CHD1L: variants seen among roughly 807,000 people sequenced by gnomAD.
The protein encoded by CHD1L is ATP-dependent chromatin remodeler CHD1L.
A neutral mutation model predicts 115.9 loss-of-function variants in CHD1L; 118 were observed. That is an observed-to-expected ratio of 1.02 (90% CI 0.88 to 1.19). The LOEUF (loss-of-function observed/expected upper bound fraction) is 1.19. Among genes scored for constraint, CHD1L ranks in the 50% most tolerant of loss-of-function variants. The pLI is 0.00. For synonymous variants in CHD1L, 411 were observed against 387.1 expected, an observed-to-expected ratio of 1.06 and a Z score of -0.72; for missense variants, 1,179 against 1,065.3, an observed-to-expected ratio of 1.11 and a Z score of -1.49.
chr1:147,287,968 G>C (rs1370447804), intron 19 of CHD1L, among the ~76,000 whole-genome samples: 1 of 151,974 alleles, frequency 6.6e-6, no homozygotes, highest in Non-Finnish European at 1.5e-5. Flanking sequence ...CTACTTCATA[G>C]AACTGTAGTA....
In CHD1L at chr1:147,263,029, G is replaced by A. The variant is rs149541313; in HGVS notation, c.577-1393G>A. ...AAATATCAAAATATTGTGTATATAC[G>A]TGTATACATACATGTATGTAAATGT... is the stretch of plus-strand genomic sequence containing the variant. On this transcript the variant is annotated intron_variant, in intron 6 of 22. Coordinates refer to ENST00000369258, the MANE Select transcript of CHD1L (RefSeq NM_004284.6). 9.1e-4 allele frequency among the ~76,000 whole-genome samples: 139 copies of A among 152,026 alleles called. 3 individuals carry two copies. In the East Asian group the frequency reaches 0.025, roughly 28 times the overall value.
intron 22 of CHD1L, 39 bp downstream of exon 22, chr1:147,294,556 C>A: frequency 1.3e-6 from 2 of 1,501,894 alleles, no homozygotes; most frequent in Non-Finnish European, 1.8e-6. Context: ...TCTCCCAACC[C>A]AAGAGGGAAA....
At chr1:147,217,445 C>T in the CHD1L span, among the ~76,000 whole-genome samples, 1 of 151,934 alleles carries the variant, frequency 6.6e-6, no homozygotes, top group Non-Finnish European at 1.5e-5. Flanking sequence ...TCTCCTCCTC[C>T]CTTTTTATTC....
chr1:147,251,293 C>T (rs1466734585), intron 1 of CHD1L, among the ~76,000 whole-genome samples: 18 of 152,258 alleles, frequency 1.2e-4, no homozygotes, highest in Admixed American at 5.9e-4. Flanking sequence ...CCCTGCCTTC[C>T]GCAGGCCCAA....
chr1:147,185,462 GAA>G, the CHD1L span, among the ~76,000 whole-genome samples: 1 of 152,128 alleles, frequency 6.6e-6, no homozygotes, highest in African/African-American at 2.4e-5. Flanking sequence ...AAGGATTAGG[GAA>G]AGCAAAAGAC....
chr1:147,195,156 A>T, the CHD1L span, among the ~76,000 whole-genome samples: 1 of 152,126 alleles, frequency 6.6e-6, no homozygotes, highest in Non-Finnish European at 1.5e-5. Context: ...AATCCGACGT[A>T]GATTTGGTCT....
the CHD1L span, among the ~76,000 whole-genome samples, chr1:147,198,261 G>A: frequency 6.6e-6 from 1 of 152,124 alleles, no homozygotes; most frequent in Non-Finnish European, 1.5e-5. Context: ...ACATTTCTTA[G>A]AATAGATGTT....
At chr1:147,278,199 TTTTG>T (rs1326044086) in intron 14 of CHD1L, among the ~76,000 whole-genome samples, 3 of 149,758 alleles carry the variant, frequency 2.0e-5, no homozygotes, top group Non-Finnish European at 3.0e-5. Flanking sequence ...AGCAGGGGAT[TTTTG>T]TTTGTTTTTG....
intron 5 of CHD1L, among the ~76,000 whole-genome samples, chr1:147,257,658 G>A (rs587602331): frequency 1.3e-5 from 2 of 152,228 alleles, no homozygotes; most frequent in South Asian, 2.1e-4. Context: ...GGACATAAAT[G>A]TTGCTGGGTA....
chr1:147,291,048 TC>T (rs1330400327), intron 19 of CHD1L, among the ~76,000 whole-genome samples: 5 of 152,226 alleles, frequency 3.3e-5, no homozygotes, highest in Admixed American at 2.6e-4. Flanking sequence ...AGCACATTTT[TC>T]TTCACTATCA....
chr1:147,220,944 C>A, the CHD1L span, among the ~76,000 whole-genome samples: 318 of 136,954 alleles, frequency 2.3e-3, no homozygotes, highest in Middle Eastern at 4.0e-3. Flanking sequence ...TTTAAGTTTC[C>A]AAAAAAAAAA....
chr1:147,255,755 C>A, intron 3 of CHD1L, 58 bp from the exon 4 acceptor site: 1 of 1,204,968 alleles, frequency 8.3e-7, no homozygotes, highest in Non-Finnish European at 1.2e-6. Context: ...TCCAGATATG[C>A]ACATCCTGTC....
Position 147,287,601 on chromosome 1 carries a change from C to G in CHD1L, c.2222-34C>G, listed in dbSNP as rs897491438. On this transcript the variant is annotated intron_variant, in intron 18 of 22. Transcript: ENST00000369258. The stretch of plus-strand genomic sequence containing the variant: ...CTAAATTGTGCACTGGACTTCACCT[C>G]CTATAGATGAAAATTTTCTCTTTCT... 2.6e-6 allele frequency: 4 copies of G among 1,530,234 alleles called. No individual in the cohort carries two copies. In the East Asian group the frequency reaches 9.0e-5, roughly 35 times the overall value. 94.8% of individuals were successfully genotyped at this position (1,530,234 alleles called of 1,614,324 possible).
At chr1:147,284,938 TAAA>T (rs1258032224) in intron 16 of CHD1L, among the ~76,000 whole-genome samples, 8 of 152,286 alleles carry the variant, frequency 5.3e-5, no homozygotes, top group Admixed American at 4.6e-4. Context: ...AATACAATCT[TAAA>T]AAAGTTACAT....
chr1:147,179,181 C>T, the CHD1L span: 5 of 1,614,030 alleles, frequency 3.1e-6, no homozygotes, highest in Non-Finnish European at 4.2e-6. Context: ...TGCAGGATTA[C>T]TTTGATGGCA....
intron 15 of CHD1L, among the ~76,000 whole-genome samples, chr1:147,282,071 G>A (rs782597738): frequency 9.9e-5 from 15 of 152,072 alleles, no homozygotes; most frequent in African/African-American, 3.4e-4. Flanking sequence ...TGTTCTCATC[G>A]ATAGTTTCCC....
At chr1:147,271,481 G>A (rs1224239810) in intron 11 of CHD1L, among the ~76,000 whole-genome samples, 1 of 152,220 alleles carries the variant, frequency 6.6e-6, no homozygotes, top group African/African-American at 2.4e-5. Context: ...TGGGAAGTCT[G>A]TTTAATATGT....
At chr1:147,269,941 A>C (rs1675502738) in intron 10 of CHD1L, among the ~76,000 whole-genome samples, 1 of 152,218 alleles carries the variant, frequency 6.6e-6, no homozygotes, top group South Asian at 2.1e-4. Context: ...TGGTTCTCGT[A>C]TATCTGCCAT....
intron 1 of CHD1L, among the ~76,000 whole-genome samples, chr1:147,251,207 T>C (rs1668291828): frequency 6.6e-6 from 1 of 152,232 alleles, no homozygotes; most frequent in Non-Finnish European, 1.5e-5. Context: ...CATCAGTTGG[T>C]GTTTCCAGTT....
Sources: allele counts gnomAD v4.1 joint callset (sites outside exome capture counted in the v4.1 genomes callset), GRCh38; gene constraint gnomAD v4.1.1; transcripts MANE v1.5; gene names NCBI Gene and HGNC (gene_info 2026-07-23, HGNC 2026-07-21).